COL28A1: variants seen among roughly 807,000 people sequenced by gnomAD.
COL28A1 encodes collagen alpha-1(XXVIII) chain.
Under a neutral mutation model 150.2 loss-of-function variants are expected in COL28A1, and 161 were observed. The ratio of observed to expected loss-of-function variants is 1.07; its 90% confidence interval spans 0.94 to 1.22. The LOEUF is 1.22. Ranked by LOEUF, COL28A1 falls within the 50% of genes most tolerant of loss-of-function variation. The pLI, the probability that COL28A1 is intolerant of heterozygous loss-of-function variation, is 0.00. For missense variants in COL28A1, 1,617 were observed against 1,388.3 expected (o/e 1.16, Z -2.62); for synonymous variants, 552 against 469.7 (o/e 1.18, Z -2.26).
Position 7,381,581 on chromosome 7 carries a change from G to A in COL28A1, c.2168C>T (p.Pro723Leu), listed in dbSNP as rs184719460. 1.7e-4 allele frequency: 274 copies of A among 1,613,836 alleles called. 4 individuals carry two copies. In the East Asian group the frequency reaches 6.0e-3, roughly 36 times the overall value. Residue 723 changes from proline to leucine, a missense_variant, in exon 28 of 35, where the codon CCA becomes CTA. By Grantham distance (98) the Pro-to-Leu change is moderately conservative (BLOSUM62 -3). Coordinates refer to ENST00000399429, the MANE Select transcript of COL28A1 (RefSeq NM_001037763.3). Reference protein sequence around the residue: ...GEQGPQGFPGPKGTMGHGLPG... With the variant: ...GEQGPQGFPGLKGTMGHGLPG... ...GAGGCCATGGCCCATTGTGCCCTTT[G>A]GGCCTGGGAAGCCTTGTGGTCCTTG... is the stretch of plus-strand genomic sequence containing the variant.
chr7:7,422,706 C>T (rs1784441662), intron 25 of COL28A1, among the ~76,000 whole-genome samples: 1 of 151,996 alleles, frequency 6.6e-6, no homozygotes, highest in South Asian at 2.1e-4. Flanking sequence ...GAATACACCA[C>T]CCTACCTATC....
intron 15 of COL28A1, among the ~76,000 whole-genome samples, chr7:7,460,140 A>G (rs1310740734): frequency 6.6e-6 from 1 of 152,178 alleles, no homozygotes; most frequent in African/African-American, 2.4e-5. Flanking sequence ...TGCAAATCCT[A>G]TGAAATATCT....
chr7:7,352,189 T>C (rs1466599432), downstream of COL28A1, among the ~76,000 whole-genome samples: 2 of 152,182 alleles, frequency 1.3e-5, no homozygotes, highest in Non-Finnish European at 2.9e-5. Flanking sequence ...ATTATTTCTG[T>C]AATGACTTTT....
intron 13 of COL28A1, among the ~76,000 whole-genome samples, chr7:7,481,068 T>A (rs2128359766): frequency 6.6e-6 from 1 of 152,352 alleles, no homozygotes; most frequent in South Asian, 2.1e-4. Flanking sequence ...AAGAATGTCC[T>A]TTCATGGAAG....
At chr7:7,513,594 C>T (rs955767397) in intron 8 of COL28A1, among the ~76,000 whole-genome samples, 1 of 152,156 alleles carries the variant, frequency 6.6e-6, no homozygotes, top group Non-Finnish European at 1.5e-5. Flanking sequence ...TTTCTGAATG[C>T]AAATGGAAAA....
chr7:7,463,784 A>T (rs1378038125), intron 15 of COL28A1, among the ~76,000 whole-genome samples: 1 of 152,202 alleles, frequency 6.6e-6, no homozygotes, highest in Admixed American at 6.5e-5. Context: ...ATAGGCAAAA[A>T]ATAGCACAGT....
intron 15 of COL28A1, among the ~76,000 whole-genome samples, chr7:7,459,553 T>C (rs1787441239): frequency 6.6e-6 from 1 of 152,238 alleles, no homozygotes; most frequent in Non-Finnish European, 1.5e-5. Flanking sequence ...TCCAAATTGA[T>C]ATGAGTTCTC....
intron 3 of COL28A1, among the ~76,000 whole-genome samples, chr7:7,527,955 C>T (rs1047282471): frequency 6.6e-6 from 1 of 151,744 alleles, no homozygotes; most frequent in Non-Finnish European, 1.5e-5. Flanking sequence ...AAAATGGCCA[C>T]TATAAAATCT....
chr7:7,418,244 C>G (rs761894982), intron 26 of COL28A1, among the ~76,000 whole-genome samples: 1 of 152,230 alleles, frequency 6.6e-6, no homozygotes, highest in Non-Finnish European at 1.5e-5. Context: ...AGCTCAAGAA[C>G]ACCAGGGCTG....
At chr7:7,341,481 T>G in the COL28A1 span, among the ~76,000 whole-genome samples, 261 of 152,224 alleles carry the variant, frequency 1.7e-3, 2 homozygotes, top group East Asian at 5.2e-3. Flanking sequence ...CATGGCTCAC[T>G]GCAGCCTCAG....
intron 34 of COL28A1, 38 bp downstream of exon 34, chr7:7,360,352 T>C: frequency 1.3e-6 from 2 of 1,512,184 alleles, no homozygotes; most frequent in Admixed American, 2.6e-5. Flanking sequence ...CACAAGACTG[T>C]AGAATCAAAA....
At chr7:7,410,866 C>A (rs1469469046) in intron 27 of COL28A1, among the ~76,000 whole-genome samples, 1 of 152,170 alleles carries the variant, frequency 6.6e-6, no homozygotes, top group South Asian at 2.1e-4. Context: ...TACTTCAAAC[C>A]CATCTCTGAC....
intron 20 of COL28A1, among the ~76,000 whole-genome samples, chr7:7,441,322 A>T (rs1785770117): frequency 6.6e-6 from 1 of 152,138 alleles, no homozygotes; most frequent in African/African-American, 2.4e-5. Flanking sequence ...TCTTTCCCCC[A>T]AAAGAGACCA....
At chr7:7,501,033 A>G (rs1360352256) in intron 11 of COL28A1, among the ~76,000 whole-genome samples, 1 of 152,200 alleles carries the variant, frequency 6.6e-6, no homozygotes, top group African/African-American at 2.4e-5. Flanking sequence ...TACCCTGACC[A>G]TATCCATTTA....
chr7:7,360,315 CTCTT>C (rs1780577888), intron 34 of COL28A1, 71 bp downstream of exon 34: 2 of 1,399,498 alleles, frequency 1.4e-6, no homozygotes, highest in Non-Finnish European at 1.9e-6. Flanking sequence ...TGGCAGATCT[CTCTT>C]TCCTTTGTGC....
At chr7:7,420,059 T>C (rs1784314894) in intron 25 of COL28A1, 106 bp from the exon 26 acceptor site, 1 of 592,520 alleles carries the variant, frequency 1.7e-6, no homozygotes, top group African/African-American at 1.9e-5. Flanking sequence ...GACTAAGGTA[T>C]TAATTGAACC....
chr7:7,354,008 G>C (rs1780291606), downstream of COL28A1, among the ~76,000 whole-genome samples: 1 of 150,696 alleles, frequency 6.6e-6, no homozygotes, highest in Non-Finnish European at 1.5e-5. Context: ...GACAACTAAA[G>C]AAGATAAAGG....
the COL28A1 span, among the ~76,000 whole-genome samples, chr7:7,350,430 A>G: frequency 6.6e-6 from 1 of 152,124 alleles, no homozygotes; most frequent in Non-Finnish European, 1.5e-5. Flanking sequence ...AAGGAAAGCT[A>G]AGATAATGCT....
intron 1 of COL28A1, among the ~76,000 whole-genome samples, chr7:7,533,512 G>A (rs1051676418): frequency 2.0e-5 from 3 of 152,014 alleles, no homozygotes; most frequent in Non-Finnish European, 4.4e-5. Flanking sequence ...TCCACCAGGG[G>A]TTCAAAGCTG....
Sources: gnomAD v4.1 joint callset for allele counts (sites outside exome capture counted in the v4.1 genomes callset) on GRCh38, gnomAD v4.1.1 for gene constraint, MANE v1.5 for transcripts, NCBI Gene and HGNC (gene_info 2026-07-23, HGNC 2026-07-21) for gene names.